CLNK: variants seen among roughly 807,000 people sequenced by gnomAD.
CLNK encodes cytokine-dependent hematopoietic cell linker.
Under a neutral mutation model 68.6 loss-of-function variants are expected in CLNK, and 74 were observed. The observed-to-expected ratio is 1.08, with a 90% CI of 0.89 to 1.31. The LOEUF (loss-of-function observed/expected upper bound fraction) is 1.31, where lower values mean the gene tolerates loss of function less well. CLNK is among the 50% of genes most tolerant of loss of function. The pLI is 0.00. For synonymous variants in CLNK, 198 were observed against 172.2 expected, an observed-to-expected ratio of 1.15 and a Z score of -1.17; for missense variants, 553 against 515.3, an observed-to-expected ratio of 1.07 and a Z score of -0.71.
rs79823416 is a variant in CLNK at position 10,568,952 on chromosome 4, G to A, written c.150+2789C>T. 9.9e-3 allele frequency among the ~76,000 whole-genome samples: 1,502 copies of A among 152,270 alleles called. 33 individuals carry two copies. Among genetic ancestry groups the A allele is most frequent in the African/African-American group, 0.034 (1,418 of 41,524 alleles). On this transcript the variant is annotated intron_variant, in intron 5 of 18. Coordinates refer to ENST00000226951, the MANE Select transcript of CLNK (RefSeq NM_052964.4). ...TATTTGGGTCTTTACTGTGAAGGGT[G>A]GGGCCTCAAGAAGTGACACCACTCT...
At chr4:10,703,634 C>T in the CLNK span, among the ~76,000 whole-genome samples, 6 of 152,036 alleles carry the variant, frequency 3.9e-5, no homozygotes, top group Non-Finnish European at 5.9e-5. Flanking sequence ...TGTCATTAGG[C>T]GATTTTGTAG....
At chr4:10,615,415 A>C (rs1722190244) in intron 2 of CLNK, among the ~76,000 whole-genome samples, 1 of 151,962 alleles carries the variant, frequency 6.6e-6, no homozygotes, top group Non-Finnish European at 1.5e-5. Context: ...AGGAGGGAGG[A>C]GGGAGGAAAG....
At chr4:10,624,593 G>GT (rs10559473) in intron 2 of CLNK, among the ~76,000 whole-genome samples, 11,977 of 122,552 alleles carry the variant, frequency 0.098, 564 homozygotes, top group East Asian at 0.14. Flanking sequence ...CGCCCGGCCA[G>GT]TTTTTTTTTT....
Position 10,667,922 on chromosome 4 carries a change from A to G in CLNK, c.-42-11T>C, listed in dbSNP as rs1724473915. Reference sequence around the variant, plus strand: ...GATCTTCAATTCAGCCTGTGGAAACAAAAGCAAACGCGTTACTGGAACTTC... The same window carrying G: ...GATCTTCAATTCAGCCTGTGGAAACGAAAGCAAACGCGTTACTGGAACTTC... On this transcript the variant is annotated splice_polypyrimidine_tract_variant and intron_variant, in intron 1 of 18. Transcript: ENST00000226951. The G allele has an allele frequency of 6.7e-7, 1 of 1,482,414 alleles. No individual in the cohort carries two copies. Among genetic ancestry groups the G allele is most frequent in the South Asian group, 1.2e-5 (1 of 81,212 alleles). The allele number at this position is 1,482,414 out of a possible 1,614,324, so 91.8% of individuals were successfully genotyped here.
At chr4:10,664,240 A>C (rs75465967) in intron 2 of CLNK, among the ~76,000 whole-genome samples, 1 of 151,990 alleles carries the variant, frequency 6.6e-6, no homozygotes, top group East Asian at 1.9e-4. Flanking sequence ...AAAAAAAAAA[A>C]AGGAATGATG....
chr4:10,532,162 G>GT (rs1461909800), intron 12 of CLNK, 94 bp downstream of exon 12: 2 of 891,498 alleles, frequency 2.2e-6, no homozygotes, highest in Non-Finnish European at 3.7e-6. Flanking sequence ...AGAACTAAGT[G>GT]TAAGTATCTG....
the CLNK span, among the ~76,000 whole-genome samples, chr4:10,707,209 A>G: frequency 1.3e-5 from 2 of 152,164 alleles, no homozygotes; most frequent in South Asian, 2.1e-4. Flanking sequence ...AAAATATACT[A>G]ACACTAACAA....
chr4:10,606,996 A>G (rs888861347), intron 2 of CLNK, among the ~76,000 whole-genome samples: 4 of 152,196 alleles, frequency 2.6e-5, no homozygotes, highest in Non-Finnish European at 5.9e-5. Context: ...AGATACACAT[A>G]TTGTGCTGAT....
At chr4:10,547,977 G>A (rs1341890237) in intron 8 of CLNK, among the ~76,000 whole-genome samples, 1 of 152,046 alleles carries the variant, frequency 6.6e-6, no homozygotes, top group Non-Finnish European at 1.5e-5. Context: ...TCAAGATCCT[G>A]TTTTCAATTC....
rs1050728694 is a variant in CLNK, at chr4:10,487,177, A to T, written c.*3290T>A. The T allele has an allele frequency of 1.3e-5, 2 of 152,244 alleles. No homozygotes were observed. The highest frequency in any genetic ancestry group is 4.8e-5 in the African/African-American group (2 of 41,462). 9.4% of individuals were successfully genotyped at this position (152,244 alleles called of 1,614,324 possible). On this transcript the variant is annotated 3_prime_UTR_variant, in exon 19 of 19. Transcript: ENST00000226951. ...AGGTAATGGTTGAAAAGGGATTAAA[A>T]CACTGGAATTTGGGCATGCCAAATC...
the CLNK span, among the ~76,000 whole-genome samples, chr4:10,719,721 C>T: frequency 4.6e-5 from 7 of 152,122 alleles, no homozygotes; most frequent in Non-Finnish European, 8.8e-5. Context: ...ACCGTAGCAT[C>T]GAATCAACCT....
Position 10,587,954 on chromosome 4 carries a change from A to T in CLNK, c.84-2999T>A, listed in dbSNP as rs144927646. On this transcript the variant is annotated intron_variant, in intron 3 of 18. Transcript: ENST00000226951. ...GGAGGTTCTGCAGAAATTAGCAGTA[A>T]ATCAGCTGGTGAGGAGCAAATCATT... is the stretch of plus-strand genomic sequence containing the variant. 8.5e-5 allele frequency among the ~76,000 whole-genome samples: 13 copies of T among 152,262 alleles called. No individual in the cohort carries two copies. The East Asian group carries it at 2.5e-3, about 29-fold the overall frequency.
At chr4:10,614,903 G>T (rs1422658994) in intron 2 of CLNK, among the ~76,000 whole-genome samples, 2 of 152,182 alleles carry the variant, frequency 1.3e-5, no homozygotes, top group African/African-American at 4.8e-5. Flanking sequence ...GCAAAGAAGG[G>T]GCTGGGTGCG....
At chr4:10,613,191 A>AAC (rs1722098318) in intron 2 of CLNK, among the ~76,000 whole-genome samples, 1 of 152,168 alleles carries the variant, frequency 6.6e-6, no homozygotes, top group Non-Finnish European at 1.5e-5. Flanking sequence ...ATAGCATGTT[A>AAC]GCAGGTGATA....
chr4:10,641,126 T>A (rs915340470), intron 2 of CLNK, among the ~76,000 whole-genome samples: 1 of 152,186 alleles, frequency 6.6e-6, no homozygotes, highest in African/African-American at 2.4e-5. Flanking sequence ...CTAGCATGAT[T>A]TCGACCCTTA....
chr4:10,688,136 G>A (rs1400336923), upstream of CLNK, among the ~76,000 whole-genome samples: 1 of 152,142 alleles, frequency 6.6e-6, no homozygotes, highest in East Asian at 1.9e-4. Flanking sequence ...ATTAGCATTA[G>A]CCCGCTTGGC....
chr4:10,653,671 C>A (rs573085928), intron 2 of CLNK, among the ~76,000 whole-genome samples: 2 of 152,058 alleles, frequency 1.3e-5, no homozygotes, highest in South Asian at 4.2e-4. Context: ...TTGCCAAGAA[C>A]ACAGACAGAA....
intron 5 of CLNK, among the ~76,000 whole-genome samples, chr4:10,568,226 T>C (rs1041288090): frequency 1.3e-5 from 2 of 152,228 alleles, no homozygotes; most frequent in African/African-American, 2.4e-5. Flanking sequence ...TACTGATATA[T>C]GCTATAACAT....
chr4:10,623,276 C>T (rs1228617316), intron 2 of CLNK, among the ~76,000 whole-genome samples: 1 of 152,162 alleles, frequency 6.6e-6, no homozygotes, highest in African/African-American at 2.4e-5. Flanking sequence ...GGTTGACAGA[C>T]CATTCTCTCC....
Sources: gnomAD v4.1 joint callset for allele counts (sites outside exome capture counted in the v4.1 genomes callset) on GRCh38, gnomAD v4.1.1 for gene constraint, MANE v1.5 for transcripts, NCBI Gene and HGNC (gene_info 2026-07-23, HGNC 2026-07-21) for gene names.